Variants in TECPR1 observed in about 807,000 individuals in gnomAD.
TECPR1 encodes the protein tectonin beta-propeller repeat containing 1, also known as tectonin beta-propeller repeat-containing protein 1.
Under a neutral mutation model 162.4 loss-of-function variants are expected in TECPR1, and 122 were observed. The observed-to-expected ratio is 0.75, with a 90% CI of 0.65 to 0.87. The LOEUF is 0.87. Among genes scored for constraint, TECPR1 ranks in the 40% least tolerant of loss-of-function variants. TECPR1 has a pLI of 0.00. For synonymous variants in TECPR1, 642 were observed against 670.6 expected (o/e 0.96, Z 0.66); for missense variants, 1,432 against 1,618.2 (o/e 0.88, Z 1.97).
intron 17 of TECPR1, chr7:98,226,428 T>C (rs2116552171): frequency 1.0e-6 from 1 of 985,332 alleles, no homozygotes; most frequent in African/African-American, 1.7e-5. Flanking sequence ...TCAGATACAC[T>C]GGGTCCACTC....
chr7:98,222,717 G>A (rs1193289025), intron 21 of TECPR1, 196 bp from the exon 22 acceptor site: 8 of 838,078 alleles, frequency 9.5e-6, no homozygotes, highest in Non-Finnish European at 1.5e-5. Context: ...CTGCGAGCAG[G>A]GAAAGCGCCC....
chr7:98,223,086 C>T lies in TECPR1; in HGVS notation c.2832G>A (p.Pro944=), dbSNP rs367709234. 4.4e-6 allele frequency: 7 copies of T among 1,603,122 alleles called. No individual in the cohort carries two copies. In the Middle Eastern group the frequency reaches 6.6e-4, roughly 151 times the overall value. ...TGCTGTGCCCACTCCCCTCGGCACC[C>T]GGGCTCTCCGGGATGATGGACACGT... ...LRDVSIIPES[P]GAEGSGHSIA... is the part of the protein sequence containing the mutation. Residue 944 remains proline, a synonymous_variant, in exon 21 of 26, where the codon CCG becomes CCA. Coordinates refer to ENST00000447648, the MANE Select transcript of TECPR1 (RefSeq NM_015395.3).
intron 23 of TECPR1, among the ~76,000 whole-genome samples, chr7:98,218,696 ACTG>A (rs1210476903): frequency 6.6e-6 from 1 of 152,240 alleles, no homozygotes; most frequent in Non-Finnish European, 1.5e-5. Flanking sequence ...ACTACAAAAC[ACTG>A]CTGAAAGAAA....
At chr7:98,238,895 G>A (rs748320724) in intron 8 of TECPR1, among the ~76,000 whole-genome samples, 12 of 152,190 alleles carry the variant, frequency 7.9e-5, no homozygotes, top group Non-Finnish European at 1.2e-4. Context: ...CCAGCCTAAC[G>A]CTTGGAAAAG....
In TECPR1 at chr7:98,232,786, A is replaced by G. The variant is rs530607115; in HGVS notation, c.1818+41T>C. The G allele has an allele frequency of 3.7e-4, 74 of 202,382 alleles. No homozygotes were observed. Among genetic ancestry groups the G allele is most frequent in the African/African-American group, 1.6e-3 (61 of 38,460 alleles). 12.5% of individuals were successfully genotyped at this position (202,382 alleles called of 1,614,324 possible). On this transcript the variant is annotated intron_variant, in intron 12 of 25. Coordinates refer to ENST00000447648, the MANE Select transcript of TECPR1 (RefSeq NM_015395.3). The surrounding 1 kb of genome is among the most constrained non-coding windows in gnomAD (Gnocchi z 4.6). ...CAGGCGCTCAATGAATGATTGCTGG[A>G]AAAAAAAAAAAAATGCATGCGCAGC...
At chr7:98,226,874 A>C (rs1798290827) in intron 17 of TECPR1, 1 of 216,734 alleles carries the variant, frequency 4.6e-6, no homozygotes. Context: ...CAAAGGCTGC[A>C]GTGAGCCAAG....
In TECPR1 at chr7:98,232,973, C is replaced by T; in HGVS notation, c.1673-1G>A. 1 of 1,604,818 alleles carries T rather than the reference C, an allele frequency of 6.2e-7. No individual in the cohort carries two copies. The highest frequency in any genetic ancestry group is 8.5e-7 in the Non-Finnish European group (1 of 1,175,290). On this transcript the variant is annotated splice_acceptor_variant, in intron 11 of 25. Coordinates refer to ENST00000447648, the MANE Select transcript of TECPR1 (RefSeq NM_015395.3). LOFTEE classifies it high-confidence loss of function. This position sits in a 1 kb window ranked among gnomAD's most constrained non-coding sequence, Gnocchi z 4.6. ...AGCATGTGTACCGAGGAGGACAGGC[C>T]TGTGGGGCAGAGAGAGCCTCAGGGC...
chr7:98,238,403 G>A, intron 9 of TECPR1, 106 bp downstream of exon 9: 2 of 896,042 alleles, frequency 2.2e-6, no homozygotes, highest in Non-Finnish European at 3.6e-6. Context: ...ACAATGGAGT[G>A]GGGGGCTCTC....
chr7:98,240,310 G>A (rs1013308371), intron 8 of TECPR1, among the ~76,000 whole-genome samples: 1 of 152,124 alleles, frequency 6.6e-6, no homozygotes, highest in Admixed American at 6.6e-5. Context: ...GCTGCATTTG[G>A]GTACCAGCGT....
chr7:98,228,167 G>A (rs1040469434), intron 16 of TECPR1, 51 bp from the exon 17 acceptor site: 10 of 1,405,552 alleles, frequency 7.1e-6, no homozygotes, highest in Middle Eastern at 2.0e-4. Flanking sequence ...CTCCGCTTGG[G>A]ACTCTGGCTT....
intron 2 of TECPR1, among the ~76,000 whole-genome samples, chr7:98,250,452 A>AC (rs1799035710): frequency 6.6e-6 from 1 of 151,584 alleles, no homozygotes; most frequent in Admixed American, 6.6e-5. Context: ...ACACAGGGAG[A>AC]CCCCATCTCT....
intron 9 of TECPR1, 148 bp downstream of exon 9, chr7:98,238,361 C>T (rs1423396728): frequency 7.0e-5 from 48 of 685,720 alleles, no homozygotes; most frequent in Admixed American, 4.7e-5. Context: ...CAGAGGGAAG[C>T]CTGGCACCTC....
rs2116572946 is a variant in TECPR1, at chr7:98,231,611, C to A, written c.1974+193G>T. On this transcript the variant is annotated intron_variant, in intron 13 of 25. Transcript: ENST00000447648. ...TGTACTCCCTCTCCTGGGGCACCCC[C>A]ATTTCTGTACCCCCTTCCCCGGGCA... 1.0e-5 allele frequency: 7 copies of A among 691,820 alleles called. No individual in the cohort carries two copies. In the South Asian group the frequency reaches 1.2e-4, roughly 12 times the overall value. The allele number at this position is 691,820 out of a possible 1,614,324, so 42.9% of individuals were successfully genotyped here.
In TECPR1 at chr7:98,231,328, G is replaced by A. The variant is rs1798429896; in HGVS notation, c.2020C>T (p.Leu674=). 8 of 1,611,220 alleles carry A rather than the reference G, an allele frequency of 5.0e-6. No individual in the cohort carries two copies. In the East Asian group the frequency reaches 1.8e-4, roughly 36 times the overall value. The change falls in exon 14 of 26, where the codon CTG becomes TTG. Residue 674 remains leucine (L), a synonymous_variant. Coordinates refer to ENST00000447648, the MANE Select transcript of TECPR1 (RefSeq NM_015395.3). ...GCAAAGGAGTGCTTGGTCTCGTTCA[G>A]CACTGGGACCAGCGCCACCACCTCA... ...LNEVVALVPV[L]NETKHSFALY...
chr7:98,245,391 C>T (rs1212033230), intron 3 of TECPR1, among the ~76,000 whole-genome samples: 1 of 152,238 alleles, frequency 6.6e-6, no homozygotes, highest in African/African-American at 2.4e-5. Context: ...CTCGTGGGGA[C>T]CTGGCCAGAC....
chr7:98,243,525 T>C lies in TECPR1; in HGVS notation c.599A>G (p.Glu200Gly). The C allele has an allele frequency of 6.2e-7, 1 of 1,612,606 alleles. No individual in the cohort carries two copies. Among genetic ancestry groups the C allele is most frequent in the Non-Finnish European group, 8.5e-7 (1 of 1,179,812 alleles). Reference sequence around the variant, plus strand: ...GCGGCCCACAGGCTCCTCCGTGATCTCCCAGCCCCCTACAGAGAGGTCGTT... The same window carrying C: ...GCGGCCCACAGGCTCCTCCGTGATCCCCCAGCCCCCTACAGAGAGGTCGTT... ...PFNDLSVGGWEITEEPVGRLS... is the reference protein window; with the variant it reads ...PFNDLSVGGWGITEEPVGRLS... The change falls in exon 6 of 26, where the codon GAG becomes GGG. Residue 200 changes from glutamate (E) to glycine (G), a missense_variant. Transcript: ENST00000447648.
At chr7:98,223,270 CG>C in intron 20 of TECPR1, 100 bp from the exon 21 acceptor site, 1 of 1,285,646 alleles carries the variant, frequency 7.8e-7, no homozygotes, top group African/African-American at 1.5e-5. Context: ...CAGCCAACCC[CG>C]GGGCGGGTAG....
Position 98,240,961 on chromosome 7 carries a change from C to T in TECPR1, c.833-10G>A. ...ATGGACCAGGAACTTCCTACCGGGC[C>T]CCCAAGAAACCCCCAGTGGCCCCCA... On this transcript the variant is annotated splice_polypyrimidine_tract_variant and intron_variant, in intron 7 of 25. Transcript: ENST00000447648. 1.3e-6 allele frequency: 2 copies of T among 1,598,072 alleles called. No individual in the cohort carries two copies. The highest frequency in any genetic ancestry group is 2.3e-5 in the East Asian group (1 of 44,144).
At chr7:98,250,014 G>A (rs1584364376) in intron 2 of TECPR1, among the ~76,000 whole-genome samples, 1 of 152,046 alleles carries the variant, frequency 6.6e-6, no homozygotes, top group East Asian at 1.9e-4. Context: ...AGTGGGTGTT[G>A]AAACAACATT....
Sources: allele counts gnomAD v4.1 joint callset (sites outside exome capture counted in the v4.1 genomes callset), GRCh38; gene constraint gnomAD v4.1.1; non-coding constraint Gnocchi (gnomAD v3.1); transcripts MANE v1.5; gene names NCBI Gene and HGNC (gene_info 2026-07-23, HGNC 2026-07-21).